SAMSN1: variants seen among roughly 807,000 people sequenced by gnomAD.
SAMSN1 encodes SAM domain, SH3 domain and nuclear localization signals 1, also known as SAM domain-containing protein SAMSN-1.
A neutral mutation model predicts 42.0 loss-of-function variants in SAMSN1; 31 were observed. That is an observed-to-expected ratio of 0.74 (90% CI 0.55 to 1.00). The LOEUF is 1.00. Among genes scored for constraint, SAMSN1 ranks in the 50% least tolerant of loss-of-function variants. The pLI is 0.00. For synonymous variants in SAMSN1, 178 were observed against 151.9 expected (o/e 1.17, Z -1.26); for missense variants, 464 against 439.4 (o/e 1.06, Z -0.50).
chr21:14,644,103 C>T (rs966809062), intron 1 of SAMSN1, among the ~76,000 whole-genome samples: 18 of 152,110 alleles, frequency 1.2e-4, no homozygotes, highest in African/African-American at 4.3e-4. Context: ...AACACAAGGA[C>T]TGCAACTCCT....
At chr21:14,566,468 G>T (rs1014177231) in intron 2 of SAMSN1, among the ~76,000 whole-genome samples, 13 of 152,042 alleles carry the variant, frequency 8.6e-5, no homozygotes, top group African/African-American at 2.9e-4. Context: ...AAAAATTACT[G>T]CATTTTACAA....
intron 1 of SAMSN1, among the ~76,000 whole-genome samples, chr21:14,535,916 C>T (rs1979579967): frequency 6.6e-6 from 1 of 152,172 alleles, no homozygotes; most frequent in Admixed American, 6.5e-5. Context: ...GTTATGGCAG[C>T]TCTAGCAAAC....
intron 1 of SAMSN1, among the ~76,000 whole-genome samples, chr21:14,524,992 A>G (rs1978747726): frequency 6.6e-6 from 1 of 152,224 alleles, no homozygotes; most frequent in South Asian, 2.1e-4. Flanking sequence ...TTAGACATTT[A>G]ATCTGCCTTT....
At chr21:14,585,700 A>T (rs572004407), upstream of SAMSN1, among the ~76,000 whole-genome samples, 6 of 152,310 alleles carry the variant, frequency 3.9e-5, no homozygotes, top group South Asian at 2.1e-4. Flanking sequence ...ATTTATTTTT[A>T]AAAATCCTAT....
In SAMSN1 at chr21:14,525,419, G is replaced by C. The variant is rs1441687884; in HGVS notation, c.58-4198C>G. The stretch of plus-strand genomic sequence containing the variant: ...AGAAAATACAGAGCAAAACAACCCA[G>C]CTTCTTCAGCAAATCAATATAAAAA... On this transcript the variant is annotated intron_variant, in intron 1 of 7. Coordinates refer to ENST00000400566, the MANE Select transcript of SAMSN1 (RefSeq NM_022136.5). Among the ~76,000 whole-genome samples the C allele has an allele frequency of 3.3e-5, 5 of 152,132 alleles. No homozygotes were observed. In the East Asian group the frequency reaches 9.7e-4, roughly 29 times the overall value.
intron 2 of SAMSN1, among the ~76,000 whole-genome samples, chr21:14,629,421 C>T (rs1983266071): frequency 6.6e-6 from 1 of 152,144 alleles, no homozygotes; most frequent in South Asian, 2.1e-4. Flanking sequence ...CAGCATATTA[C>T]TGTAATAATG....
intron 2 of SAMSN1, among the ~76,000 whole-genome samples, chr21:14,569,051 G>C (rs1234742256): frequency 3.3e-5 from 5 of 152,102 alleles, no homozygotes; most frequent in Non-Finnish European, 4.4e-5. Context: ...TCAGCAGTTT[G>C]GGAGGCTGGA....
At position 14,617,049 on chromosome 21, in the gene SAMSN1, G is replaced by A. The variant is rs142763577; in HGVS notation, c.157-1033C>T. ...TTTCCTAGTGGTTGAGCAGAACGTT[G>A]CTAAAACCCCACACACTGAAACAGT... is the stretch of plus-strand genomic sequence containing the variant. On this transcript the variant is annotated intron_variant, in intron 2 of 15. Coordinates refer to the SAMSN1 transcript ENST00000647101. Among the ~76,000 whole-genome samples, 115 of 152,288 alleles carry A rather than the reference G, an allele frequency of 7.6e-4. 1 individual carries two copies. In the South Asian group the frequency reaches 8.1e-3, roughly 11 times the overall value.
At chr21:14,495,080 T>G (rs2178901) in intron 7 of SAMSN1, among the ~76,000 whole-genome samples, 3,548 of 152,296 alleles carry the variant, frequency 0.023, 73 homozygotes, top group South Asian at 0.078. Context: ...CAAAATAAAA[T>G]GCATCCATAA....
chr21:14,549,051 A>C (rs1209623680), upstream of SAMSN1, among the ~76,000 whole-genome samples: 1 of 152,212 alleles, frequency 6.6e-6, no homozygotes, highest in Non-Finnish European at 1.5e-5. Context: ...ATGAATCATG[A>C]GTAAAAATTT....
At chr21:14,578,469 G>A (rs868545080) in intron 2 of SAMSN1, among the ~76,000 whole-genome samples, 2 of 151,900 alleles carry the variant, frequency 1.3e-5, no homozygotes, top group Non-Finnish European at 2.9e-5. Flanking sequence ...CAGATCACAA[G>A]GTCAGGAGTT....
chr21:14,629,059 C>T (rs531348867), intron 2 of SAMSN1, among the ~76,000 whole-genome samples: 47 of 152,208 alleles, frequency 3.1e-4, no homozygotes, highest in Middle Eastern at 6.8e-3. Flanking sequence ...CTATGCTTGA[C>T]GGCATAGATC....
chr21:14,492,968 A>G (rs1986757133), intron 7 of SAMSN1, among the ~76,000 whole-genome samples: 1 of 152,234 alleles, frequency 6.6e-6, no homozygotes, highest in African/African-American at 2.4e-5. Flanking sequence ...CCAGGTACAC[A>G]TGTCAGGGGC....
intron 2 of SAMSN1, among the ~76,000 whole-genome samples, chr21:14,551,580 G>T (rs1307319797): frequency 6.6e-6 from 1 of 151,842 alleles, no homozygotes; most frequent in Non-Finnish European, 1.5e-5. Flanking sequence ...AGTCATATAA[G>T]GGCCATATTG....
chr21:14,530,249 G>A lies in SAMSN1; in HGVS notation c.58-9028C>T, dbSNP rs182756353. Among the ~76,000 whole-genome samples, 62 of 150,680 alleles carry A rather than the reference G, an allele frequency of 4.1e-4. No homozygotes were observed. In the Middle Eastern group the frequency reaches 0.014, roughly 33 times the overall value. On this transcript the variant is annotated intron_variant, in intron 1 of 7. Coordinates refer to ENST00000400566, the MANE Select transcript of SAMSN1 (RefSeq NM_022136.5). ...GGAGAATGGCGTGAACCTGGGAGGC[G>A]GAGCTTGCAGTGAGCCGAGATTGAG...
At chr21:14,617,133 T>C (rs1463447390) in intron 2 of SAMSN1, among the ~76,000 whole-genome samples, 1 of 152,100 alleles carries the variant, frequency 6.6e-6, no homozygotes, top group African/African-American at 2.4e-5. Context: ...GCATGACCCA[T>C]AGGACATTGC....
At chr21:14,595,822 G>A (rs1184310852) in intron 6 of SAMSN1, among the ~76,000 whole-genome samples, 1 of 152,128 alleles carries the variant, frequency 6.6e-6, no homozygotes, top group Non-Finnish European at 1.5e-5. Context: ...AACTGACAAA[G>A]TAGCTGAAGT....
chr21:14,587,706 T>C (rs888946549), upstream of SAMSN1, among the ~76,000 whole-genome samples: 1 of 152,080 alleles, frequency 6.6e-6, no homozygotes, highest in African/African-American at 2.4e-5. Context: ...TATCCAACTA[T>C]GTATTTAAAA....
chr21:14,486,811 T>C (rs1986453899), intron 7 of SAMSN1, among the ~76,000 whole-genome samples: 1 of 152,216 alleles, frequency 6.6e-6, no homozygotes, highest in Admixed American at 6.5e-5. Flanking sequence ...TAATCATTTA[T>C]TTTCAGATTG....
Sources: allele counts gnomAD v4.1 joint callset (sites outside exome capture counted in the v4.1 genomes callset), GRCh38; gene constraint gnomAD v4.1.1; transcripts MANE v1.5; gene names NCBI Gene and HGNC (gene_info 2026-07-23, HGNC 2026-07-21).